The following SLC17A6 variants were observed in gnomAD, a reference collection of about 807,000 sequenced individuals.
SLC17A6 encodes the protein solute carrier family 17 member 6, also known as vesicular glutamate transporter 2.
A neutral mutation model predicts 67.1 loss-of-function variants in SLC17A6; 35 were observed. The observed-to-expected ratio is 0.52, with a 90% CI of 0.40 to 0.69. The LOEUF (loss-of-function observed/expected upper bound fraction) is 0.69. Among genes scored for constraint, SLC17A6 ranks in the 30% least tolerant of loss-of-function variants. SLC17A6 has a pLI of 0.00. For synonymous variants in SLC17A6, 285 were observed against 252.3 expected (o/e 1.13, Z -1.23); for missense variants, 588 against 723.9 (o/e 0.81, Z 2.15).
intron 8 of SLC17A6, 63 bp downstream of exon 8, chr11:22,370,251 T>TCC (rs1281716597): frequency 5.8e-6 from 8 of 1,388,792 alleles, no homozygotes. Flanking sequence ...AATACTAAAT[T>TCC]CATTTGCAAA....
intron 1 of SLC17A6, among the ~76,000 whole-genome samples, 198 bp downstream of exon 1, chr11:22,338,817 G>A (rs921897190): frequency 3.2e-4 from 31 of 97,866 alleles, no homozygotes; most frequent in African/African-American, 8.8e-4. Context: ...TGTCTGGTGT[G>A]TGTGTGTGTG....
rs550306275 is a variant in SLC17A6 at position 22,349,837 on chromosome 11, G to A, written c.458+6472G>A. 5.3e-5 allele frequency among the ~76,000 whole-genome samples: 8 copies of A among 152,286 alleles called. No individual in the cohort carries two copies. In the South Asian group the frequency reaches 1.0e-3, roughly 20 times the overall value. ...AGATGTGACAAAGGGAGGCATCCAA[G>A]CCCTGATTTGATTAGATTAAATAGA... On this transcript the variant is annotated intron_variant, in intron 3 of 11. Coordinates refer to ENST00000263160, the MANE Select transcript of SLC17A6 (RefSeq NM_020346.3).
chr11:22,341,111 C>T (rs1248752699), intron 1 of SLC17A6, among the ~76,000 whole-genome samples: 1 of 152,194 alleles, frequency 6.6e-6, no homozygotes, highest in East Asian at 1.9e-4. Flanking sequence ...AGGGTAAAGC[C>T]CTGCTGGGCG....
At chr11:22,352,624 C>G (rs989148718) in intron 3 of SLC17A6, among the ~76,000 whole-genome samples, 1 of 152,038 alleles carries the variant, frequency 6.6e-6, no homozygotes, top group Non-Finnish European at 1.5e-5. Context: ...AGACCTGGAC[C>G]CAATTCTCCA....
intron 7 of SLC17A6, among the ~76,000 whole-genome samples, chr11:22,366,689 G>A (rs1255738646): frequency 8.5e-5 from 13 of 152,124 alleles, no homozygotes; most frequent in Non-Finnish European, 1.8e-4. Context: ...AAAGCCACCT[G>A]ATGTTATATT....
In SLC17A6 at chr11:22,359,537, T is replaced by C. The variant is rs375919824; in HGVS notation, c.573+10T>C. On this transcript the variant is annotated intron_variant, in intron 4 of 11. Transcript: ENST00000263160. Reference sequence around the variant, plus strand: ...GCAGGGACTTGTTGAGGTATGTAACTTCAGGGTGAAGCCTTTTTAAGATTG... The same window carrying C: ...GCAGGGACTTGTTGAGGTATGTAACCTCAGGGTGAAGCCTTTTTAAGATTG... 192 of 1,536,634 alleles carry C rather than the reference T, an allele frequency of 1.2e-4. No homozygotes were observed. The highest frequency in any genetic ancestry group is 2.3e-4 in the Admixed American group (12 of 52,536).
chr11:22,360,534 C>CT, intron 4 of SLC17A6, among the ~76,000 whole-genome samples: 1 of 139,778 alleles, frequency 7.2e-6, no homozygotes, highest in East Asian at 2.7e-4. Flanking sequence ...CTTCCCCCCC[C>CT]CCCAAAAAAA....
chr11:22,367,296 T>C (rs1169299516), intron 7 of SLC17A6, among the ~76,000 whole-genome samples: 1 of 151,520 alleles, frequency 6.6e-6, no homozygotes, highest in Non-Finnish European at 1.5e-5. Context: ...AAAAAAAAAG[T>C]CTATCACCCA....
chr11:22,370,440 G>A (rs1462827277), intron 8 of SLC17A6, among the ~76,000 whole-genome samples: 1 of 152,074 alleles, frequency 6.6e-6, no homozygotes, highest in Non-Finnish European at 1.5e-5. Context: ...ATGGAACTTA[G>A]AGCCCAGTTG....
chr11:22,351,199 T>C (rs1425626049), intron 3 of SLC17A6, among the ~76,000 whole-genome samples: 1 of 152,156 alleles, frequency 6.6e-6, no homozygotes, highest in Non-Finnish European at 1.5e-5. Flanking sequence ...ATGTACATTA[T>C]CTTTATCCCG....
chr11:22,338,462 T>G lies in SLC17A6; in HGVS notation c.-72T>G, dbSNP rs1855760876. ...CAACTACTTTAAGAGATTAAGACAA[T>G]ATGCGCAATCCTCGCCTTTCCTAGC... On this transcript the variant is annotated 5_prime_UTR_variant, in exon 1 of 12. Transcript: ENST00000263160. 2 of 1,102,802 alleles carry G rather than the reference T, an allele frequency of 1.8e-6. No homozygotes were observed. The highest frequency in any genetic ancestry group is 1.8e-5 in the Admixed American group (1 of 55,242). The allele number at this position is 1,102,802 out of a possible 1,614,324, so 68.3% of individuals were successfully genotyped here. A position where few individuals can be genotyped will look rare whatever the true frequency, so the allele number is the denominator to read the frequency against.
At chr11:22,350,906 A>G (rs1855930412) in intron 3 of SLC17A6, among the ~76,000 whole-genome samples, 1 of 152,114 alleles carries the variant, frequency 6.6e-6, no homozygotes, top group Admixed American at 6.5e-5. Context: ...AAATTGTGTA[A>G]TTTGCTAGAG....
At chr11:22,356,364 G>T (rs1855993292) in intron 3 of SLC17A6, among the ~76,000 whole-genome samples, 1 of 152,068 alleles carries the variant, frequency 6.6e-6, no homozygotes, top group Non-Finnish European at 1.5e-5. Flanking sequence ...TTTCCATTTA[G>T]GGCAAGAATT....
At chr11:22,358,035 C>G (rs763839727) in intron 3 of SLC17A6, among the ~76,000 whole-genome samples, 1 of 152,096 alleles carries the variant, frequency 6.6e-6, no homozygotes, top group Non-Finnish European at 1.5e-5. Context: ...CATTTCTCAC[C>G]TTTCTGTAGC....
At chr11:22,345,214 A>G (rs1002161) in intron 3 of SLC17A6, among the ~76,000 whole-genome samples, 1 of 133,988 alleles carries the variant, frequency 7.5e-6, no homozygotes, top group African/African-American at 3.4e-5. Flanking sequence ...TTATTTAAAT[A>G]AAAAAAAAAA....
intron 6 of SLC17A6, among the ~76,000 whole-genome samples, chr11:22,364,347 C>G (rs374975785): frequency 5.9e-5 from 9 of 152,018 alleles, no homozygotes; most frequent in African/African-American, 1.7e-4. Context: ...GCCATCCACT[C>G]TACTTGTTGA....
chr11:22,365,444 T>C, intron 6 of SLC17A6, 103 bp from the exon 7 acceptor site: 4 of 1,293,598 alleles, frequency 3.1e-6, no homozygotes, highest in South Asian at 1.3e-5. Flanking sequence ...GCTTGAATTC[T>C]TCTTTCTAAT....
chr11:22,343,917 C>T (rs1377536476), intron 3 of SLC17A6, among the ~76,000 whole-genome samples: 1 of 152,082 alleles, frequency 6.6e-6, no homozygotes, highest in African/African-American at 2.4e-5. Context: ...TAGGGGCGGG[C>T]GTTGGGGGAG....
chr11:22,379,498 TA>T lies in SLC17A6; in HGVS notation c.*1763del, dbSNP rs1218518910. 2 of 148,540 alleles carry T rather than the reference TA, an allele frequency of 1.3e-5. No individual in the cohort carries two copies. The highest frequency in any genetic ancestry group is 3.0e-5 in the Non-Finnish European group (2 of 66,908). The allele number at this position is 148,540 out of a possible 1,614,324, so 9.2% of individuals were successfully genotyped here. On this transcript the variant is annotated 3_prime_UTR_variant, in exon 12 of 12. Coordinates refer to ENST00000263160, the MANE Select transcript of SLC17A6 (RefSeq NM_020346.3). ...TAAAATGCTCTATTTATCCTTTTTTTAAAAAGCAGTGCATTAATCATACATT... is the reference window on the plus strand; with the variant it reads ...TAAAATGCTCTATTTATCCTTTTTTTAAAAGCAGTGCATTAATCATACATT...
Sources: allele counts gnomAD v4.1 joint callset (sites outside exome capture counted in the v4.1 genomes callset), GRCh38; gene constraint gnomAD v4.1.1; transcripts MANE v1.5; gene names NCBI Gene and HGNC (gene_info 2026-07-23, HGNC 2026-07-21).